The following KIF2C variants were observed in gnomAD, a reference collection of about 807,000 sequenced individuals.
KIF2C encodes kinesin family member 2C, also known as kinesin-like protein KIF2C.
Under a neutral mutation model 97.4 loss-of-function variants are expected in KIF2C, and 34 were observed. That is an observed-to-expected ratio of 0.35 (90% confidence interval 0.27 to 0.46). The LOEUF (loss-of-function observed/expected upper bound fraction) is 0.46. Among genes scored for constraint, KIF2C ranks in the 20% least tolerant of loss-of-function variants. The probability of loss-of-function intolerance (pLI) is 1.00; values close to 1 mark genes in which losing one functional copy is unlikely to be tolerated. For synonymous variants in KIF2C, 313 were observed against 318.2 expected, an observed-to-expected ratio of 0.98 and a Z score of 0.17; for missense variants, 750 against 907.6, an observed-to-expected ratio of 0.83 and a Z score of 2.23.
chr1:44,766,535 C>T (rs114200191), intron 19 of KIF2C, among the ~76,000 whole-genome samples: 10 of 152,002 alleles, frequency 6.6e-5, no homozygotes, highest in Middle Eastern at 6.8e-3. Flanking sequence ...CCCTTAAACT[C>T]GGGGGGTGGA....
Position 44,753,958 on chromosome 1 carries a change from C to CTTTTTTTTTTTT in KIF2C, c.663+141_663+152dup. ...GGCTCCAGTTCTTGAGGCCCCAATT[C>CTTTTTTTTTTTT]TTTTTTTTTTTTTTTTTTTTTTTTT... On this transcript the variant is annotated intron_variant, in intron 7 of 20. Transcript: ENST00000372224. The CTTTTTTTTTTTT allele has an allele frequency of 2.1e-3, 140 of 67,918 alleles. 14 individuals carry two copies. Among genetic ancestry groups the CTTTTTTTTTTTT allele is most frequent in the African/African-American group, 2.4e-3 (26 of 10,818 alleles). 4.2% of individuals were successfully genotyped at this position (67,918 alleles called of 1,614,324 possible).
chr1:44,747,549 T>G, intron 3 of KIF2C, 64 bp downstream of exon 3: 4 of 1,571,508 alleles, frequency 2.5e-6, no homozygotes, highest in Non-Finnish European at 3.5e-6. Flanking sequence ...ATTGACTCTT[T>G]GCTGATTGAT....
At chr1:44,752,369 C>T (rs1247000984) in intron 5 of KIF2C, among the ~76,000 whole-genome samples, 1 of 151,522 alleles carries the variant, frequency 6.6e-6, no homozygotes, top group Admixed American at 6.6e-5. Context: ...CTCCTGACTT[C>T]GTGATCCGCC....
Position 44,757,575 on chromosome 1 carries a change from G to A in KIF2C, c.997G>A (p.Val333Ile). ...TTCTAGGTTCACAGCAAGGCCACTG[G>A]TACAGACAATCTTTGAAGGTGGAAA... Reference protein sequence around the residue: ...VVYRFTARPLVQTIFEGGKAT... With the variant: ...VVYRFTARPLIQTIFEGGKAT... Residue 333 changes from valine to isoleucine, a missense_variant, in exon 11 of 21, where the codon GTA becomes ATA. Coordinates refer to ENST00000372224, the MANE Select transcript of KIF2C (RefSeq NM_006845.4). The A allele has an allele frequency of 6.2e-7, 1 of 1,613,014 alleles. No individual in the cohort carries two copies. Among genetic ancestry groups the A allele is most frequent in the Admixed American group, 1.7e-5 (1 of 60,020 alleles).
rs555358261 is a variant in KIF2C, at chr1:44,743,474, T to C, written c.165+2467T>C. On this transcript the variant is annotated intron_variant, in intron 2 of 20. Transcript: ENST00000372224. The stretch of plus-strand genomic sequence containing the variant: ...ATACAGAGGTGAAGGAGACAGACTC[T>C]TGGACTCTCTTCCATGGAGCTTAAT... Among the ~76,000 whole-genome samples, 20 of 152,336 alleles carry C rather than the reference T, an allele frequency of 1.3e-4. No homozygotes were observed. In the South Asian group the frequency reaches 3.9e-3, roughly 30 times the overall value.
In KIF2C at chr1:44,762,402, A is replaced by C. The variant is rs1038555391; in HGVS notation, c.1808A>C (p.Glu603Ala). Residue 603 changes from glutamate (E) to alanine (A), a missense_variant, in exon 18 of 21, where the codon GAA becomes GCA. Coordinates refer to ENST00000372224, the MANE Select transcript of KIF2C (RefSeq NM_006845.4). ...AGTGGAGAGCAGTTGATTCAAATGG[A>C]AACAGAAGAGATGGAAGCCTGCTCT... is the stretch of plus-strand genomic sequence containing the variant. ...GPSGEQLIQM[E>A]TEEMEACSNG... is the part of the protein sequence containing the mutation. 1.2e-6 allele frequency: 2 copies of C among 1,614,166 alleles called. No homozygotes were observed. Among genetic ancestry groups the C allele is most frequent in the African/African-American group, 1.3e-5 (1 of 75,036 alleles).
At chr1:44,751,833 T>TC (rs935452681) in intron 5 of KIF2C, among the ~76,000 whole-genome samples, 1 of 144,330 alleles carries the variant, frequency 6.9e-6, no homozygotes, top group Non-Finnish European at 1.5e-5. Flanking sequence ...TTTTTTTTTT[T>TC]TTTTTTGAGA....
intron 14 of KIF2C, 52 bp downstream of exon 14, chr1:44,759,400 GT>G (rs779039219): frequency 1.8e-5 from 29 of 1,605,534 alleles, no homozygotes; most frequent in Admixed American, 1.5e-4. Context: ...TGGTTTATGA[GT>G]AAAGTCTAGC....
intron 19 of KIF2C, among the ~76,000 whole-genome samples, chr1:44,766,045 C>T (rs548567684): frequency 2.0e-5 from 3 of 151,076 alleles, no homozygotes; most frequent in Non-Finnish European, 2.9e-5. Context: ...AGCAAGACTC[C>T]GTCTTAAAGA....
At chr1:44,751,202 A>G (rs2148825444) in intron 5 of KIF2C, among the ~76,000 whole-genome samples, 1 of 151,834 alleles carries the variant, frequency 6.6e-6, no homozygotes, top group African/African-American at 2.4e-5. Context: ...TTATTTATTT[A>G]TTTATTTATT....
intron 2 of KIF2C, among the ~76,000 whole-genome samples, chr1:44,741,911 G>A (rs1182288839): frequency 1.3e-5 from 2 of 150,166 alleles, no homozygotes; most frequent in East Asian, 2.0e-4. Context: ...GAGAATTGCT[G>A]GAGTCTGGGA....
intron 19 of KIF2C, among the ~76,000 whole-genome samples, chr1:44,765,710 C>G (rs1336380235): frequency 6.6e-6 from 1 of 152,138 alleles, no homozygotes; most frequent in Admixed American, 6.6e-5. Context: ...TGGCGCGTAC[C>G]TGTAGTCTCA....
chr1:44,755,598 G>A (rs1649788109), intron 8 of KIF2C, among the ~76,000 whole-genome samples: 1 of 152,228 alleles, frequency 6.6e-6, no homozygotes, highest in African/African-American at 2.4e-5. Flanking sequence ...GTGGGCTGAA[G>A]CTAGTGAGGC....
In KIF2C at chr1:44,758,049, C is replaced by G. The variant is rs765899826; in HGVS notation, c.1133C>G (p.Ser378Cys). 1.2e-6 allele frequency: 2 copies of G among 1,614,178 alleles called. No individual in the cohort carries two copies. The highest frequency in any genetic ancestry group is 1.7e-6 in the Non-Finnish European group (2 of 1,180,014). The stretch of plus-strand genomic sequence containing the variant: ...TGCTTAGCAAAGTTCTCTCCCTCAG[C>G]CCGGGACGTCTTCCTCCTGAAGAAT... ...NASKGIYAMA[S>C]RDVFLLKNQP... Residue 378 changes from serine (S) to cysteine (C), a missense_variant and splice_region_variant, in exon 13 of 21, where the codon TCC becomes TGC. Transcript: ENST00000372224.
chr1:44,743,300 G>A (rs1649024720), intron 2 of KIF2C, among the ~76,000 whole-genome samples: 1 of 152,146 alleles, frequency 6.6e-6, no homozygotes, highest in African/African-American at 2.4e-5. Flanking sequence ...GTGTTCTCAG[G>A]CATGTTTCTG....
In KIF2C at chr1:44,760,587, C is replaced by A. The variant is rs372084929; in HGVS notation, c.1573-5C>A. The A allele has an allele frequency of 3.9e-5, 63 of 1,613,652 alleles. No homozygotes were observed. Among genetic ancestry groups the A allele is most frequent in the African/African-American group, 8.0e-5 (6 of 74,906 alleles). On this transcript the variant is annotated splice_polypyrimidine_tract_variant and splice_region_variant and intron_variant, in intron 15 of 20. Transcript: ENST00000372224. The surrounding 1 kb of genome is among the most constrained non-coding windows in gnomAD (Gnocchi z 4.2). ...GGACCTCAGTTGTTCCTGCTGCCCC[C>A]ACAGGAGTGCATCAGGGCCCTGGGA...
chr1:44,759,882 A>G lies in KIF2C; in HGVS notation c.1368-398A>G, dbSNP rs575618235. Among the ~76,000 whole-genome samples the G allele has an allele frequency of 1.4e-3, 211 of 152,182 alleles. 1 individual carries two copies. The highest frequency in any genetic ancestry group is 4.4e-3 in the African/African-American group (181 of 41,534). ...GCACTTTTCCACTAGGGCTGTAGAC[A>G]TTGGTACAGTGGGGCGCTACGCAGC... On this transcript the variant is annotated intron_variant, in intron 14 of 20. Transcript: ENST00000372224.
chr1:44,764,267 CT>C (rs1387376946), intron 19 of KIF2C, among the ~76,000 whole-genome samples: 7 of 152,066 alleles, frequency 4.6e-5, no homozygotes, highest in African/African-American at 1.7e-4. Flanking sequence ...CCTCCGCCTC[CT>C]GGGTTCAAGC....
Position 44,760,577 on chromosome 1 carries a change from C to A in KIF2C, c.1573-15C>A. 6.2e-7 allele frequency: 1 copy of A among 1,613,490 alleles called. No individual in the cohort carries two copies. Among genetic ancestry groups the A allele is most frequent in the East Asian group, 2.2e-5 (1 of 44,862 alleles). On this transcript the variant is annotated splice_polypyrimidine_tract_variant and intron_variant, in intron 15 of 20. Coordinates refer to ENST00000372224, the MANE Select transcript of KIF2C (RefSeq NM_006845.4). This position sits in a 1 kb window ranked among gnomAD's most constrained non-coding sequence, Gnocchi z 4.2. ...AGGAAAGAAGGGACCTCAGTTGTTC[C>A]TGCTGCCCCCACAGGAGTGCATCAG... is the stretch of plus-strand genomic sequence containing the variant.
Sources: gnomAD v4.1 joint callset for allele counts (sites outside exome capture counted in the v4.1 genomes callset) on GRCh38, gnomAD v4.1.1 for gene constraint, Gnocchi (gnomAD v3.1) non-coding constraint, MANE v1.5 for transcripts, NCBI Gene and HGNC (gene_info 2026-07-23, HGNC 2026-07-21) for gene names.